The following CHN2 variants were observed in gnomAD, a reference collection of about 807,000 sequenced individuals.
The protein encoded by CHN2 is chimerin 2.
Under a neutral mutation model 56.3 loss-of-function variants are expected in CHN2, and 35 were observed. The observed-to-expected ratio is 0.62, with a 90% CI of 0.47 to 0.82. The LOEUF (loss-of-function observed/expected upper bound fraction) is 0.82. CHN2 is among the 40% of genes least tolerant of loss of function. The pLI is 0.00. For missense variants in CHN2, 491 were observed against 580.5 expected, an observed-to-expected ratio of 0.85 and a Z score of 1.58; for synonymous variants, 210 against 212.8, an observed-to-expected ratio of 0.99 and a Z score of 0.12.
intron 1 of CHN2, among the ~76,000 whole-genome samples, chr7:29,278,377 T>C (rs1791400216): frequency 6.6e-6 from 1 of 152,064 alleles, no homozygotes; most frequent in African/African-American, 2.4e-5. Context: ...CGACTCTGCC[T>C]TCGTAGAGCA....
chr7:29,279,803 C>T (rs549320332), intron 1 of CHN2, among the ~76,000 whole-genome samples: 19 of 152,142 alleles, frequency 1.2e-4, no homozygotes, highest in Non-Finnish European at 2.5e-4. Context: ...CTAGAGGTCC[C>T]AACTTCTGTG....
rs551033528 is a variant in CHN2, at chr7:29,176,796, G to A, written c.274+29836G>A. Among the ~76,000 whole-genome samples the A allele has an allele frequency of 2.0e-5, 3 of 152,246 alleles. No homozygotes were observed. In the South Asian group the frequency reaches 6.2e-4, roughly 32 times the overall value. ...CGAGATTGAGCTGAAATACTAGAAG[G>A]AAGAGCATATAAATAGGAAGCCAGG... On this transcript the variant is annotated intron_variant, in intron 2 of 6. Transcript: ENST00000439384.
At chr7:29,342,404 G>C (rs184078407) in intron 1 of CHN2, among the ~76,000 whole-genome samples, 1 of 152,274 alleles carries the variant, frequency 6.6e-6, no homozygotes, top group African/African-American at 2.4e-5. Flanking sequence ...AGGACTACTT[G>C]ACTCCGAATA....
intron 6 of CHN2, among the ~76,000 whole-genome samples, chr7:29,432,877 A>G (rs548000993): frequency 6.6e-6 from 1 of 152,314 alleles, no homozygotes; most frequent in East Asian, 1.9e-4. Context: ...GTCTGCTGCA[A>G]CCAGAAGAAA....
chr7:29,487,067 A>G (rs150573670), intron 7 of CHN2, among the ~76,000 whole-genome samples: 313 of 152,148 alleles, frequency 2.1e-3, no homozygotes, highest in African/African-American at 7.1e-3. Context: ...TTGCCTTCTT[A>G]TCAAGCTCCC....
chr7:29,450,117 T>C (rs995548691), intron 6 of CHN2, among the ~76,000 whole-genome samples: 1 of 152,240 alleles, frequency 6.6e-6, no homozygotes, highest in African/African-American at 2.4e-5. Context: ...TAGTTTCTTC[T>C]GTTTGCAGTG....
intron 6 of CHN2, among the ~76,000 whole-genome samples, chr7:29,412,319 T>TC (rs1803297186): frequency 1.6e-5 from 2 of 122,872 alleles, no homozygotes; most frequent in Non-Finnish European, 3.3e-5. Flanking sequence ...TGCTAAAGAG[T>TC]CTTTTTTTTT....
intron 2 of CHN2, among the ~76,000 whole-genome samples, chr7:29,188,577 A>C (rs139303490): frequency 6.6e-6 from 1 of 152,018 alleles, no homozygotes; most frequent in East Asian, 1.9e-4. Context: ...TATTGAACGT[A>C]TAGCTGCTAC....
chr7:29,416,093 A>G lies in CHN2; in HGVS notation c.576+15265A>G, dbSNP rs75269944. Among the ~76,000 whole-genome samples, 1,066 of 152,318 alleles carry G rather than the reference A, an allele frequency of 7.0e-3. 14 individuals carry two copies. Among genetic ancestry groups the G allele is most frequent in the African/African-American group, 0.024 (1,010 of 41,554 alleles). ...CCTACAGGGCTTCTGTGTTCAAGAC[A>G]TAACCTTCTATTCTGCAAAGCCCTC... On this transcript the variant is annotated intron_variant, in intron 6 of 12. Coordinates refer to ENST00000222792, the MANE Select transcript of CHN2 (RefSeq NM_004067.4).
intron 1 of CHN2, among the ~76,000 whole-genome samples, chr7:29,223,725 C>A (rs913280838): frequency 3.9e-5 from 6 of 152,026 alleles, no homozygotes; most frequent in Non-Finnish European, 7.4e-5. Flanking sequence ...AAAAATATTG[C>A]TATGAATATT....
chr7:29,373,429 C>T (rs1473196156), intron 3 of CHN2, among the ~76,000 whole-genome samples: 1 of 151,930 alleles, frequency 6.6e-6, no homozygotes, highest in Non-Finnish European at 1.5e-5. Flanking sequence ...CCTGCCTCAG[C>T]CTTCCAAAGT....
intron 2 of CHN2, 28 bp from the exon 3 acceptor site, chr7:29,367,903 TC>T: frequency 2.7e-6 from 2 of 738,506 alleles, no homozygotes; most frequent in Non-Finnish European, 1.9e-6. Flanking sequence ...TCTAATTATT[TC>T]TCTCTCTCTC....
intron 7 of CHN2, among the ~76,000 whole-genome samples, chr7:29,484,350 T>TA (rs1410247861): frequency 6.6e-6 from 1 of 152,246 alleles, no homozygotes; most frequent in African/African-American, 2.4e-5. Context: ...CTTGGTGGCT[T>TA]AAAACAACAC....
intron 1 of CHN2, among the ~76,000 whole-genome samples, chr7:29,265,047 C>A (rs245989): frequency 0.75 from 113,544 of 152,030 alleles, 43,021 homozygotes; most frequent in East Asian, 0.99. Flanking sequence ...AGCCTTTGGG[C>A]AACTTTATGT....
chr7:29,446,319 C>A (rs1784030495), intron 6 of CHN2, among the ~76,000 whole-genome samples: 1 of 152,094 alleles, frequency 6.6e-6, no homozygotes, highest in East Asian at 1.9e-4. Flanking sequence ...AAAGAATCAC[C>A]TTTTTAGACT....
chr7:29,491,548 ACAGGCATG>A (rs1788672489), intron 7 of CHN2, among the ~76,000 whole-genome samples: 1 of 152,112 alleles, frequency 6.6e-6, no homozygotes, highest in African/African-American at 2.4e-5. Context: ...AGCTAGGACT[ACAGGCATG>A]TGCTACTATG....
At chr7:29,370,493 C>T (rs1799520253) in intron 3 of CHN2, among the ~76,000 whole-genome samples, 1 of 152,150 alleles carries the variant, frequency 6.6e-6, no homozygotes, top group Non-Finnish European at 1.5e-5. Context: ...TAGCTAAGAG[C>T]CCGCATCTTC....
intron 1 of CHN2, among the ~76,000 whole-genome samples, chr7:29,341,965 A>G (rs146044092): frequency 8.7e-4 from 132 of 152,336 alleles, no homozygotes; most frequent in Middle Eastern, 3.4e-3. Flanking sequence ...AGATAAAAAC[A>G]TACCTTCAGG....
intron 7 of CHN2, among the ~76,000 whole-genome samples, chr7:29,486,510 C>G (rs1220115335): frequency 6.6e-6 from 1 of 152,110 alleles, no homozygotes; most frequent in African/African-American, 2.4e-5. Context: ...GCAGTGCTAC[C>G]CCGTGTCTGA....
Sources: gnomAD v4.1 joint callset for allele counts (sites outside exome capture counted in the v4.1 genomes callset) on GRCh38, gnomAD v4.1.1 for gene constraint, MANE v1.5 for transcripts, NCBI Gene and HGNC (gene_info 2026-07-23, HGNC 2026-07-21) for gene names.